The following CPNE4 variants were observed in gnomAD, a reference collection of about 807,000 sequenced individuals.
CPNE4 encodes copine-4.
A neutral mutation model predicts 67.9 loss-of-function variants in CPNE4; 25 were observed. That is an observed-to-expected ratio of 0.37 (90% CI 0.27 to 0.51). CPNE4 has a LOEUF of 0.51. Among genes scored for constraint, CPNE4 ranks in the 20% least tolerant of loss-of-function variants. The pLI is 0.93. For synonymous variants in CPNE4, 242 were observed against 244.9 expected (o/e 0.99, Z 0.11); for missense variants, 464 against 690.8 (o/e 0.67, Z 3.68).
intron 7 of CPNE4, among the ~76,000 whole-genome samples, chr3:131,655,779 C>T (rs1455530119): frequency 6.6e-6 from 1 of 152,116 alleles, no homozygotes; most frequent in Admixed American, 6.5e-5. Context: ...TCACCCACCC[C>T]ACATCCCTCT....
chr3:131,752,387 G>A (rs1014505951), intron 2 of CPNE4, among the ~76,000 whole-genome samples: 5 of 152,074 alleles, frequency 3.3e-5, no homozygotes, highest in Non-Finnish European at 7.4e-5. Context: ...CCTTTGGGTA[G>A]GGAGAGTAGG....
At chr3:131,535,407 C>G in intron 15 of CPNE4, 78 bp from the exon 16 acceptor site, 1 of 1,412,132 alleles carries the variant, frequency 7.1e-7, no homozygotes, top group South Asian at 1.5e-5. Flanking sequence ...TTGAGTCCTG[C>G]TCTGGGCAGC....
At chr3:131,876,653 A>AAAAAAAAAAG (rs762079430) in intron 2 of CPNE4, among the ~76,000 whole-genome samples, 26 of 140,764 alleles carry the variant, frequency 1.8e-4, no homozygotes, top group Admixed American at 1.2e-3. Flanking sequence ...AAAAAAAAAA[A>AAAAAAAAAAG]AAAGAAAGAA....
intron 2 of CPNE4, among the ~76,000 whole-genome samples, chr3:131,731,669 T>C (rs2082130944): frequency 6.6e-6 from 1 of 152,196 alleles, no homozygotes; most frequent in Non-Finnish European, 1.5e-5. Context: ...GTGATAGAAC[T>C]TTCCATGATG....
intron 11 of CPNE4, among the ~76,000 whole-genome samples, chr3:131,560,782 G>T (rs541493393): frequency 6.6e-6 from 1 of 152,118 alleles, no homozygotes; most frequent in African/African-American, 2.4e-5. Flanking sequence ...TCTCAACCCT[G>T]GATACCTAGC....
chr3:131,586,617 G>A (rs1938194759), intron 8 of CPNE4, among the ~76,000 whole-genome samples: 2 of 152,200 alleles, frequency 1.3e-5, no homozygotes, highest in Admixed American at 6.5e-5. Flanking sequence ...CCAGCAGATA[G>A]AGAAATCTGC....
intron 7 of CPNE4, among the ~76,000 whole-genome samples, chr3:131,645,752 G>A (rs1053240882): frequency 2.6e-5 from 4 of 152,118 alleles, no homozygotes; most frequent in African/African-American, 9.7e-5. Context: ...GTCCCTTAAA[G>A]GGATCCAAAG....
intron 2 of CPNE4, among the ~76,000 whole-genome samples, chr3:131,778,245 C>T (rs1440337786): frequency 6.6e-6 from 1 of 152,114 alleles, no homozygotes; most frequent in Admixed American, 6.5e-5. Flanking sequence ...CATGCACATT[C>T]TCAAGGCCAG....
intron 2 of CPNE4, among the ~76,000 whole-genome samples, chr3:131,777,236 C>A (rs774938500): frequency 6.6e-5 from 10 of 152,098 alleles, no homozygotes; most frequent in Non-Finnish European, 1.0e-4. Flanking sequence ...CTCCTGAGTA[C>A]TCATAAACCA....
chr3:131,936,828 A>G (rs2071237175), intron 1 of CPNE4, among the ~76,000 whole-genome samples: 2 of 152,172 alleles, frequency 1.3e-5, no homozygotes, highest in South Asian at 4.1e-4. Context: ...AAAAATAACA[A>G]GAAGAAAAGA....
chr3:132,001,853 C>A (rs749126379), intron 1 of CPNE4, among the ~76,000 whole-genome samples: 1 of 152,094 alleles, frequency 6.6e-6, no homozygotes, highest in Non-Finnish European at 1.5e-5. Flanking sequence ...TTAAGCTTTG[C>A]TCAGTGTAAT....
intron 2 of CPNE4, among the ~76,000 whole-genome samples, chr3:131,777,122 G>C (rs914021542): frequency 6.6e-6 from 1 of 152,210 alleles, no homozygotes; most frequent in South Asian, 2.1e-4. Context: ...AATCTAAACA[G>C]CACACATTAA....
chr3:131,563,081 C>T (rs745344943), intron 11 of CPNE4, among the ~76,000 whole-genome samples: 38 of 152,066 alleles, frequency 2.5e-4, no homozygotes, highest in Non-Finnish European at 4.1e-4. Context: ...ATTGCCCTGT[C>T]CTATTAGTTT....
intron 1 of CPNE4, among the ~76,000 whole-genome samples, chr3:131,972,070 T>C (rs2072518057): frequency 6.6e-6 from 1 of 151,750 alleles, no homozygotes; most frequent in Non-Finnish European, 1.5e-5. Flanking sequence ...GGCAACTGAG[T>C]GTCAGGATTA....
At chr3:131,644,743 T>C (rs1273619969) in intron 7 of CPNE4, among the ~76,000 whole-genome samples, 4 of 152,108 alleles carry the variant, frequency 2.6e-5, no homozygotes, top group African/African-American at 9.7e-5. Context: ...CTTACAGGAA[T>C]GGAAAAGGTC....
At position 131,533,894 on chromosome 3, in the gene CPNE4, A is replaced by G. The variant is rs77773840; in HGVS notation, c.*1301T>C. 6.6e-6 allele frequency: 1 copy of G among 152,324 alleles called. No individual in the cohort carries two copies. Among genetic ancestry groups the G allele is most frequent in the African/African-American group, 2.4e-5 (1 of 41,576 alleles). 9.4% of individuals were successfully genotyped at this position (152,324 alleles called of 1,614,324 possible). ...TGCAAGAAGATTATACAAGTTAAACATTCGTCCTTTTGGTTCCAGACTGGC... is the reference window on the plus strand; with the variant it reads ...TGCAAGAAGATTATACAAGTTAAACGTTCGTCCTTTTGGTTCCAGACTGGC... On this transcript the variant is annotated 3_prime_UTR_variant, in exon 16 of 16. Transcript: ENST00000429747.
chr3:131,942,421 CGTGTGTGT>C (rs745460930), intron 1 of CPNE4, among the ~76,000 whole-genome samples: 106 of 89,630 alleles, frequency 1.2e-3, no homozygotes, highest in African/African-American at 3.4e-3. Flanking sequence ...CTAGCTTCCT[CGTGTGTGT>C]GTGTGTGTGT....
chr3:131,594,775 A>G lies in CPNE4; in HGVS notation c.682-7193T>C, dbSNP rs560420303. On this transcript the variant is annotated intron_variant, in intron 7 of 15. Transcript: ENST00000429747. ...ATTAACGGGCAACCTATGGAATGGC[A>G]TAAAATATTTCTAAACCATGTATCT... Among the ~76,000 whole-genome samples the G allele has an allele frequency of 5.9e-5, 9 of 152,364 alleles. No individual in the cohort carries two copies. The South Asian group carries it at 1.7e-3, about 28-fold the overall frequency.
intron 6 of CPNE4, among the ~76,000 whole-genome samples, chr3:131,671,766 A>G (rs1450811863): frequency 6.6e-6 from 1 of 152,056 alleles, no homozygotes; most frequent in Non-Finnish European, 1.5e-5. Context: ...CATCCTTTCA[A>G]TTTTTTATTT....
Sources: gnomAD v4.1 joint callset for allele counts (sites outside exome capture counted in the v4.1 genomes callset) on GRCh38, gnomAD v4.1.1 for gene constraint, MANE v1.5 for transcripts, NCBI Gene and HGNC (gene_info 2026-07-23, HGNC 2026-07-21) for gene names.